Variants in MDFIC observed in about 807,000 individuals in gnomAD.
MDFIC encodes myoD family inhibitor domain-containing protein.
MDFIC carries 17 observed loss-of-function variants against 23.2 expected under a neutral mutation model. The ratio of observed to expected loss-of-function variants is 0.73; its 90% CI spans 0.50 to 1.10. The LOEUF (loss-of-function observed/expected upper bound fraction) is 1.10. Ranked by LOEUF, MDFIC falls within the 50% of genes least tolerant of loss-of-function variation. The pLI is 0.00. For synonymous variants in MDFIC, 120 were observed against 115.2 expected, an observed-to-expected ratio of 1.04 and a Z score of -0.27; for missense variants, 356 against 316.6, an observed-to-expected ratio of 1.12 and a Z score of -0.95.
At chr7:114,996,374 T>C (rs1055002796) in intron 4 of MDFIC, among the ~76,000 whole-genome samples, 1 of 152,138 alleles carries the variant, frequency 6.6e-6, no homozygotes, top group Non-Finnish European at 1.5e-5. Context: ...GGATTAAGGA[T>C]GACTCCAAGT....
At chr7:114,999,701 G>A (rs1791420588) in intron 4 of MDFIC, among the ~76,000 whole-genome samples, 1 of 151,964 alleles carries the variant, frequency 6.6e-6, no homozygotes, top group Non-Finnish European at 1.5e-5. Context: ...GGTGGTTTAA[G>A]TTGAATATAC....
At chr7:115,015,308 TTAATAAC>T (rs1206993078) in intron 4 of MDFIC, among the ~76,000 whole-genome samples, 1 of 152,156 alleles carries the variant, frequency 6.6e-6, no homozygotes, top group African/African-American at 2.4e-5. Context: ...CTGAAGGACT[TTAATAAC>T]TATAATGCAG....
chr7:115,007,671 A>G (rs1271056597), intron 4 of MDFIC, among the ~76,000 whole-genome samples: 1 of 135,472 alleles, frequency 7.4e-6, no homozygotes, highest in Non-Finnish European at 1.6e-5. Flanking sequence ...TATTTCCTGG[A>G]ATTTGTTTTG....
At position 114,949,073 on chromosome 7, in the gene MDFIC, G is replaced by A. The variant is rs576812258; in HGVS notation, c.217+6676G>A. Among the ~76,000 whole-genome samples the A allele has an allele frequency of 5.3e-5, 8 of 152,166 alleles. No homozygotes were observed. In the South Asian group the frequency reaches 1.7e-3, roughly 32 times the overall value. On this transcript the variant is annotated intron_variant, in intron 3 of 4. Transcript: ENST00000393486. ...CTTTGTATACCATAAAGCACAATGTGTGTTGTTATTATTGTCTTATTATTA... is the reference window on the plus strand; with the variant it reads ...CTTTGTATACCATAAAGCACAATGTATGTTGTTATTATTGTCTTATTATTA...
chr7:114,938,088 C>T (rs1184943866), intron 2 of MDFIC, among the ~76,000 whole-genome samples: 1 of 152,140 alleles, frequency 6.6e-6, no homozygotes, highest in Non-Finnish European at 1.5e-5. Context: ...TCCCAAGTGG[C>T]TGAGATTGCA....
At chr7:114,972,892 T>G (rs1422777584) in intron 3 of MDFIC, among the ~76,000 whole-genome samples, 2 of 152,120 alleles carry the variant, frequency 1.3e-5, no homozygotes, top group Non-Finnish European at 2.9e-5. Flanking sequence ...TGCTAGGCTC[T>G]GCACCTGGCT....
intron 2 of MDFIC, among the ~76,000 whole-genome samples, chr7:114,930,055 T>C (rs1354604444): frequency 6.6e-6 from 1 of 152,176 alleles, no homozygotes; most frequent in East Asian, 1.9e-4. Flanking sequence ...TTAGGATGAA[T>C]CAAGAAGTTT....
rs188099371 is a variant in MDFIC at position 114,928,677 on chromosome 7, A to C, written c.94+5550A>C. Among the ~76,000 whole-genome samples, 17 of 152,322 alleles carry C rather than the reference A, an allele frequency of 1.1e-4. No individual in the cohort carries two copies. The East Asian group carries it at 2.3e-3, about 21-fold the overall frequency. On this transcript the variant is annotated intron_variant, in intron 2 of 4. Coordinates refer to ENST00000393486, the MANE Select transcript of MDFIC (RefSeq NM_001166345.3). ...CTGATTCTCTTGCTGAGGAGCTTGCATATCTCTTCTGTAGGAGTTGGTGAC... is the reference window on the plus strand; with the variant it reads ...CTGATTCTCTTGCTGAGGAGCTTGCCTATCTCTTCTGTAGGAGTTGGTGAC...
At chr7:114,983,708 C>T (rs553585149) in intron 4 of MDFIC, among the ~76,000 whole-genome samples, 2 of 151,538 alleles carry the variant, frequency 1.3e-5, no homozygotes, top group East Asian at 3.9e-4. Flanking sequence ...GCTGGAATTA[C>T]AGGCGCCCAC....
At chr7:115,012,960 C>T (rs1227015330) in intron 4 of MDFIC, among the ~76,000 whole-genome samples, 1 of 152,038 alleles carries the variant, frequency 6.6e-6, no homozygotes, top group Admixed American at 6.6e-5. Flanking sequence ...GCCTGGGTGA[C>T]AGAGTAAGAC....
At chr7:114,997,941 C>T (rs1436739802) in intron 4 of MDFIC, among the ~76,000 whole-genome samples, 1 of 152,118 alleles carries the variant, frequency 6.6e-6, no homozygotes, top group Non-Finnish European at 1.5e-5. Flanking sequence ...AAATGGAGCT[C>T]TTTCAAATAA....
At chr7:114,977,031 C>T (rs953081831) in intron 3 of MDFIC, among the ~76,000 whole-genome samples, 7 of 151,720 alleles carry the variant, frequency 4.6e-5, no homozygotes, top group Non-Finnish European at 8.8e-5. Context: ...TGCTTATAAT[C>T]GCGAACAGAA....
At chr7:114,947,123 G>A (rs1792661761) in intron 3 of MDFIC, among the ~76,000 whole-genome samples, 1 of 152,028 alleles carries the variant, frequency 6.6e-6, no homozygotes, top group African/African-American at 2.4e-5. Flanking sequence ...CACTTTATAT[G>A]GAAAAGGTCA....
chr7:114,953,879 ATAAT>A (rs906472818), intron 3 of MDFIC, among the ~76,000 whole-genome samples: 1 of 152,188 alleles, frequency 6.6e-6, no homozygotes. Flanking sequence ...TGTCTAGGGA[ATAAT>A]TAAAGAAAAA....
At chr7:114,977,119 A>T (rs12671855) in intron 3 of MDFIC, among the ~76,000 whole-genome samples, 3,873 of 152,224 alleles carry the variant, frequency 0.025, 92 homozygotes, top group South Asian at 0.11. Flanking sequence ...TTCACAATGA[A>T]TGTTTTTTGT....
At chr7:114,934,799 G>A (rs1237245329) in intron 2 of MDFIC, among the ~76,000 whole-genome samples, 1 of 152,124 alleles carries the variant, frequency 6.6e-6, no homozygotes, top group Non-Finnish European at 1.5e-5. Context: ...TCACTCATCT[G>A]TTTAAATGCT....
At chr7:114,928,625 T>C (rs371446103) in intron 2 of MDFIC, among the ~76,000 whole-genome samples, 5 of 152,180 alleles carry the variant, frequency 3.3e-5, no homozygotes, top group African/African-American at 7.2e-5. Context: ...GAGAACAAGA[T>C]AGCCTAAAGT....
At chr7:115,000,152 C>A (rs1791432682) in intron 4 of MDFIC, among the ~76,000 whole-genome samples, 1 of 152,132 alleles carries the variant, frequency 6.6e-6, no homozygotes, top group African/African-American at 2.4e-5. Flanking sequence ...AATAAGAACA[C>A]TGTATTTTTA....
Position 115,019,027 on chromosome 7 carries a change from G to A in MDFIC, c.*3092G>A, listed in dbSNP as rs936247328. The A allele has an allele frequency of 8.7e-5, 13 of 149,916 alleles. No individual in the cohort carries two copies. Among genetic ancestry groups the A allele is most frequent in the African/African-American group, 2.9e-4 (12 of 40,796 alleles). 9.3% of individuals were successfully genotyped at this position (149,916 alleles called of 1,614,324 possible). On this transcript the variant is annotated 3_prime_UTR_variant, in exon 5 of 5. Coordinates refer to ENST00000393486, the MANE Select transcript of MDFIC (RefSeq NM_001166345.3). ...AATACAAGTTTTTTTTTTTTACATC[G>A]TTTTAGTAAGTTAATTTCATTTATT...
Sources: gnomAD v4.1 joint callset for allele counts (sites outside exome capture counted in the v4.1 genomes callset) on GRCh38, gnomAD v4.1.1 for gene constraint, MANE v1.5 for transcripts, NCBI Gene and HGNC (gene_info 2026-07-23, HGNC 2026-07-21) for gene names.